Variants in PPARGC1A observed in about 807,000 individuals in gnomAD.
PPARGC1A encodes PPARG coactivator 1 alpha, also known as peroxisome proliferator-activated receptor gamma coactivator 1-alpha.
PPARGC1A carries 25 observed loss-of-function variants against 88.7 expected under a neutral mutation model. The observed-to-expected ratio is 0.28, with a 90% confidence interval of 0.21 to 0.39. The LOEUF (loss-of-function observed/expected upper bound fraction) is 0.39. PPARGC1A is among the 10% of genes least tolerant of loss of function. PPARGC1A has a pLI of 1.00. For missense variants in PPARGC1A, 880 were observed against 968.7 expected, an observed-to-expected ratio of 0.91 and a Z score of 1.22; for synonymous variants, 363 against 355.6, an observed-to-expected ratio of 1.02 and a Z score of -0.24.
intron 10 of PPARGC1A, among the ~76,000 whole-genome samples, chr4:23,812,463 A>G (rs1721095335): frequency 6.6e-6 from 1 of 152,216 alleles, no homozygotes; most frequent in Non-Finnish European, 1.5e-5. Flanking sequence ...TGACTGAAAA[A>G]AAAATCTCTA....
chr4:23,916,646 T>C, the PPARGC1A span, among the ~76,000 whole-genome samples: 1 of 152,232 alleles, frequency 6.6e-6, no homozygotes, highest in East Asian at 1.9e-4. Flanking sequence ...ACATAATAGC[T>C]GCCTACTATT....
At chr4:24,421,494 G>T in the PPARGC1A span, among the ~76,000 whole-genome samples, 2 of 152,014 alleles carry the variant, frequency 1.3e-5, no homozygotes, top group Admixed American at 1.3e-4. Context: ...TGCATTTTTA[G>T]TAGAGACGGG....
intron 2 of PPARGC1A, among the ~76,000 whole-genome samples, chr4:23,870,341 T>A (rs904271358): frequency 1.3e-5 from 2 of 152,234 alleles, no homozygotes; most frequent in African/African-American, 4.8e-5. Flanking sequence ...GGTAGCACTG[T>A]CTGGTATTGC....
the PPARGC1A span, among the ~76,000 whole-genome samples, chr4:24,293,041 T>A: frequency 5.6e-3 from 1 of 178 alleles, no homozygotes; most frequent in Non-Finnish European, 0.01. Context: ...TCACCCCCAC[T>A]CCTGCCTGCG....
chr4:23,930,813 T>A, the PPARGC1A span, among the ~76,000 whole-genome samples: 1 of 152,226 alleles, frequency 6.6e-6, no homozygotes, highest in East Asian at 1.9e-4. Context: ...AATTGTCACA[T>A]GTCCCCTATA....
chr4:24,015,691 G>A, the PPARGC1A span, among the ~76,000 whole-genome samples: 1 of 152,126 alleles, frequency 6.6e-6, no homozygotes, highest in African/African-American at 2.4e-5. Context: ...GGAGACTCTA[G>A]AAGGTCTTCA....
At chr4:24,200,701 T>C in the PPARGC1A span, among the ~76,000 whole-genome samples, 1 of 123,868 alleles carries the variant, frequency 8.1e-6, no homozygotes, top group Non-Finnish European at 1.7e-5. Flanking sequence ...ATTGTTAGCA[T>C]TTGTTAAATA....
chr4:24,391,890 C>T, the PPARGC1A span, among the ~76,000 whole-genome samples: 14 of 152,112 alleles, frequency 9.2e-5, no homozygotes, highest in East Asian at 2.1e-3. Flanking sequence ...CAATGAACTC[C>T]GAAACAGATA....
At chr4:24,460,265 C>T in the PPARGC1A span, among the ~76,000 whole-genome samples, 1 of 152,164 alleles carries the variant, frequency 6.6e-6, no homozygotes, top group Non-Finnish European at 1.5e-5. Flanking sequence ...TTAACATCTA[C>T]TTTATTCTGG....
At chr4:24,256,817 C>T in the PPARGC1A span, among the ~76,000 whole-genome samples, 1 of 152,090 alleles carries the variant, frequency 6.6e-6, no homozygotes, top group African/African-American at 2.4e-5. Context: ...TCTTCCGAAA[C>T]TTTGATTAGA....
At chr4:24,085,950 A>T in the PPARGC1A span, among the ~76,000 whole-genome samples, 1 of 152,270 alleles carries the variant, frequency 6.6e-6, no homozygotes, top group East Asian at 1.9e-4. Flanking sequence ...GGTGGTAAGG[A>T]GTCAATGATT....
At chr4:24,225,538 A>AC in the PPARGC1A span, among the ~76,000 whole-genome samples, 9,945 of 151,798 alleles carry the variant, frequency 0.066, 405 homozygotes, top group African/African-American at 0.11. Context: ...TCAAAAAAAA[A>AC]ACACACACAC....
chr4:23,936,498 A>T, the PPARGC1A span, among the ~76,000 whole-genome samples: 1 of 152,198 alleles, frequency 6.6e-6, no homozygotes, highest in Non-Finnish European at 1.5e-5. Flanking sequence ...GAACTTTGGG[A>T]TGCCAAGGTG....
chr4:24,368,820 C>T, the PPARGC1A span, among the ~76,000 whole-genome samples: 3 of 152,262 alleles, frequency 2.0e-5, no homozygotes, highest in South Asian at 6.2e-4. Flanking sequence ...ACACATCCAT[C>T]AGGAGACGCG....
At chr4:23,889,146 T>G in intron 1 of PPARGC1A, 1 of 985,342 alleles carries the variant, frequency 1.0e-6, no homozygotes, top group Non-Finnish European at 1.2e-6. Context: ...CTGTCTATTT[T>G]TACACTAGCA....
the PPARGC1A span, among the ~76,000 whole-genome samples, chr4:24,020,318 G>T: frequency 6.6e-6 from 1 of 152,150 alleles, no homozygotes; most frequent in African/African-American, 2.4e-5. Flanking sequence ...GCTCAATACG[G>T]CACTGGCAAG....
chr4:24,049,251 T>C, the PPARGC1A span, among the ~76,000 whole-genome samples: 52 of 143,986 alleles, frequency 3.6e-4, no homozygotes, highest in Non-Finnish European at 4.7e-4. Context: ...TATATACACA[T>C]ATATGTATAT....
At chr4:24,274,862 G>A in the PPARGC1A span, among the ~76,000 whole-genome samples, 1 of 152,050 alleles carries the variant, frequency 6.6e-6, no homozygotes, top group Non-Finnish European at 1.5e-5. Flanking sequence ...CATGGGTAAT[G>A]ATTCACTAAG....
the PPARGC1A span, among the ~76,000 whole-genome samples, chr4:23,945,984 G>A: frequency 2.0e-5 from 3 of 152,116 alleles, no homozygotes; most frequent in East Asian, 1.9e-4. Context: ...ACAGCTGGAG[G>A]TGGACACAAA....
Sources: gnomAD v4.1 joint callset for allele counts (sites outside exome capture counted in the v4.1 genomes callset) on GRCh38, gnomAD v4.1.1 for gene constraint, MANE v1.5 for transcripts, NCBI Gene and HGNC (gene_info 2026-07-23, HGNC 2026-07-21) for gene names.